The following ADAMTS6 variants were observed in gnomAD, a reference collection of about 807,000 sequenced individuals.
ADAMTS6 encodes the protein A disintegrin and metalloproteinase with thrombospondin motifs 6.
ADAMTS6 carries 23 observed loss-of-function variants against 144.3 expected under a neutral mutation model. The observed-to-expected ratio is 0.16, with a 90% CI of 0.11 to 0.23. ADAMTS6 has a LOEUF of 0.23. Ranked by LOEUF, ADAMTS6 falls within the 10% of genes least tolerant of loss-of-function variation. The pLI is 1.00. For synonymous variants in ADAMTS6, 444 were observed against 457.5 expected, an observed-to-expected ratio of 0.97 and a Z score of 0.38; for missense variants, 999 against 1,379.6, an observed-to-expected ratio of 0.72 and a Z score of 4.37.
At position 65,150,610 on chromosome 5, in the gene ADAMTS6, G is replaced by C. The variant is rs1752097510; in HGVS notation, c.*1226C>G. 1.3e-5 allele frequency: 2 copies of C among 152,440 alleles called. No homozygotes were observed. Among genetic ancestry groups the C allele is most frequent in the South Asian group, 4.2e-4 (2 of 4,818 alleles). 9.4% of individuals were successfully genotyped at this position (152,440 alleles called of 1,614,324 possible). A position where few individuals can be genotyped will look rare whatever the true frequency, so the allele number is the denominator to read the frequency against. On this transcript the variant is annotated 3_prime_UTR_variant, in exon 25 of 25. Coordinates refer to ENST00000381055, the MANE Select transcript of ADAMTS6 (RefSeq NM_197941.4). ...TAGTCTTCATGAAATTTTCTTCTTT[G>C]GTTATTATCCCTTGCCTACTTTAAA...
At chr5:65,462,269 G>A (rs188118412) in intron 3 of ADAMTS6, among the ~76,000 whole-genome samples, 218 of 152,230 alleles carry the variant, frequency 1.4e-3, no homozygotes, top group Non-Finnish European at 2.3e-3. Context: ...TAGGAAGCAA[G>A]GTCTAGGCTA....
At chr5:65,354,866 T>C (rs1413064867) in intron 7 of ADAMTS6, among the ~76,000 whole-genome samples, 1 of 151,790 alleles carries the variant, frequency 6.6e-6, no homozygotes, top group Non-Finnish European at 1.5e-5. Flanking sequence ...AGGTTTTCCT[T>C]GGAGGTCGCC....
At chr5:65,478,379 G>A (rs1019868480) in intron 1 of ADAMTS6, among the ~76,000 whole-genome samples, 2 of 152,182 alleles carry the variant, frequency 1.3e-5, no homozygotes, top group African/African-American at 4.8e-5. Context: ...CTTTTAAATT[G>A]TATAGCAGAA....
At chr5:65,206,853 CACACACA>C in intron 20 of ADAMTS6, among the ~76,000 whole-genome samples, 1 of 151,306 alleles carries the variant, frequency 6.6e-6, no homozygotes, top group Admixed American at 6.6e-5. Context: ...CACACACACA[CACACACA>C]CACACACAAA....
chr5:65,275,856 A>C (rs1361999338), intron 11 of ADAMTS6, among the ~76,000 whole-genome samples: 1 of 152,092 alleles, frequency 6.6e-6, no homozygotes, highest in African/African-American at 2.4e-5. Flanking sequence ...TGTTCATAAA[A>C]ACAGAGGACC....
intron 4 of ADAMTS6, among the ~76,000 whole-genome samples, chr5:65,457,237 A>G (rs1759280335): frequency 6.6e-6 from 1 of 152,262 alleles, no homozygotes; most frequent in Admixed American, 6.5e-5. Context: ...ACTGAAAATA[A>G]GAACACAAAC....
intron 10 of ADAMTS6, among the ~76,000 whole-genome samples, chr5:65,295,375 T>C (rs1291333526): frequency 6.6e-6 from 1 of 152,124 alleles, no homozygotes; most frequent in African/African-American, 2.4e-5. Context: ...TCCAGTGTTA[T>C]TTATGCTACT....
chr5:65,470,480 T>A (rs1760347417), intron 3 of ADAMTS6, among the ~76,000 whole-genome samples: 1 of 152,144 alleles, frequency 6.6e-6, no homozygotes, highest in African/African-American at 2.4e-5. Context: ...GAGTTTTGTT[T>A]ATGCATAAAA....
chr5:65,300,073 C>T lies in ADAMTS6; in HGVS notation c.1282G>A (p.Ala428Thr), dbSNP rs749444923. The T allele has an allele frequency of 6.2e-7, 1 of 1,614,072 alleles. No homozygotes were observed. Among genetic ancestry groups the T allele is most frequent in the Admixed American group, 1.7e-5 (1 of 60,000 alleles). ...NSCGTKGHEA[A>T]KLMAAHITAN... ...GTAATGTGAGCTGCCATAAGTTTTGCTGCTTCATGACCTTTCGTCCCACAA... is the reference window on the plus strand; with the variant it reads ...GTAATGTGAGCTGCCATAAGTTTTGTTGCTTCATGACCTTTCGTCCCACAA... The change falls in exon 10 of 25, where the codon GCA (alanine) becomes ACA (threonine). Residue 428 changes from alanine to threonine, a missense_variant. By Grantham distance (58) the Ala-to-Thr change is moderately conservative. This residue lies in a region of ADAMTS6 where 128 missense variants were observed against 249.0 expected (regional missense o/e 0.51). Coordinates refer to ENST00000381055, the MANE Select transcript of ADAMTS6 (RefSeq NM_197941.4).
chr5:65,305,167 T>C (rs1432672527), intron 9 of ADAMTS6, among the ~76,000 whole-genome samples: 2 of 152,134 alleles, frequency 1.3e-5, no homozygotes, highest in Non-Finnish European at 2.9e-5. Context: ...TAGAGAAAGA[T>C]AAAACAAGGG....
intron 7 of ADAMTS6, among the ~76,000 whole-genome samples, chr5:65,441,838 A>G (rs1405287283): frequency 5.3e-5 from 8 of 151,946 alleles, no homozygotes; most frequent in Non-Finnish European, 1.0e-4. Flanking sequence ...GGGTCAAAAA[A>G]AAAAAAAAAG....
intron 7 of ADAMTS6, among the ~76,000 whole-genome samples, chr5:65,335,339 T>A (rs1300273533): frequency 6.6e-6 from 1 of 152,154 alleles, no homozygotes; most frequent in Admixed American, 6.5e-5. Flanking sequence ...GCCATGGGAC[T>A]GCAATGCTTG....
At chr5:65,393,079 A>G (rs1439720617) in intron 7 of ADAMTS6, among the ~76,000 whole-genome samples, 4 of 152,186 alleles carry the variant, frequency 2.6e-5, no homozygotes, top group African/African-American at 7.2e-5. Context: ...GCCAACTTTG[A>G]AAATTAGTTC....
At chr5:65,477,973 C>T (rs1267696988) in intron 1 of ADAMTS6, among the ~76,000 whole-genome samples, 1 of 151,516 alleles carries the variant, frequency 6.6e-6, no homozygotes, top group African/African-American at 2.4e-5. Context: ...ACTAAAAATA[C>T]AAAATTAGCC....
At chr5:65,272,079 C>T (rs1323511323) in intron 12 of ADAMTS6, among the ~76,000 whole-genome samples, 5 of 152,250 alleles carry the variant, frequency 3.3e-5, no homozygotes, top group Middle Eastern at 3.4e-3. Context: ...TGAATGAAGC[C>T]GTCAGCAAGG....
chr5:65,435,999 T>C (rs555411848), intron 7 of ADAMTS6, among the ~76,000 whole-genome samples: 20 of 152,264 alleles, frequency 1.3e-4, no homozygotes, highest in Non-Finnish European at 2.4e-4. Flanking sequence ...TAAATGGTGA[T>C]GGTAGTCCGT....
chr5:65,212,446 T>A (rs1385895966), intron 20 of ADAMTS6, among the ~76,000 whole-genome samples: 8 of 143,482 alleles, frequency 5.6e-5, no homozygotes, highest in Non-Finnish European at 1.1e-4. Flanking sequence ...TTTTTTTTTT[T>A]ACCCCCTACC....
At chr5:65,324,612 A>G (rs1197236272) in intron 9 of ADAMTS6, among the ~76,000 whole-genome samples, 2 of 151,982 alleles carry the variant, frequency 1.3e-5, no homozygotes, top group Non-Finnish European at 2.9e-5. Context: ...TCTTTATCAT[A>G]TTTATATGTG....
At chr5:65,460,806 G>A (rs1049367487) in intron 3 of ADAMTS6, among the ~76,000 whole-genome samples, 12 of 152,102 alleles carry the variant, frequency 7.9e-5, no homozygotes, top group South Asian at 2.1e-4. Context: ...CCCACTGAAC[G>A]AAGAGAACTC....
Sources: allele counts gnomAD v4.1 joint callset (sites outside exome capture counted in the v4.1 genomes callset), GRCh38; gene constraint gnomAD v4.1.1; regional missense constraint gnomAD v4.1.1; transcripts MANE v1.5; gene names NCBI Gene and HGNC (gene_info 2026-07-23, HGNC 2026-07-21).